SLC22A3: variants seen among roughly 807,000 people sequenced by gnomAD.
SLC22A3 encodes solute carrier family 22 member 3, also known as EMT organic cation transporter 3.
Under a neutral mutation model 59.1 loss-of-function variants are expected in SLC22A3, and 51 were observed. That is an observed-to-expected ratio of 0.86 (90% CI 0.69 to 1.09). The LOEUF (loss-of-function observed/expected upper bound fraction) is 1.09. Ranked by LOEUF, SLC22A3 falls within the 50% of genes least tolerant of loss-of-function variation. The probability of loss-of-function intolerance (pLI) is 0.00; values close to 1 mark genes in which losing one functional copy is unlikely to be tolerated. For synonymous variants in SLC22A3, 325 were observed against 292.0 expected (o/e 1.11, Z -1.15); for missense variants, 711 against 726.3 (o/e 0.98, Z 0.24).
chr6:160,367,886 G>A (rs1785263062), intron 1 of SLC22A3, among the ~76,000 whole-genome samples: 1 of 152,122 alleles, frequency 6.6e-6, no homozygotes, highest in African/African-American at 2.4e-5. Flanking sequence ...TCTCTGTTGA[G>A]TCTACCTCCT....
At position 160,348,644 on chromosome 6, in the gene SLC22A3, G is replaced by A; in HGVS notation, c.225G>A (p.Ala75=). 6.7e-7 allele frequency: 1 copy of A among 1,502,766 alleles called. No homozygotes were observed. Among genetic ancestry groups the A allele is most frequent in the Non-Finnish European group, 8.8e-7 (1 of 1,133,734 alleles). The allele number at this position is 1,502,766 out of a possible 1,614,324, so 93.1% of individuals were successfully genotyped here. ...CGGAGGAGGAGTGGAACCGCACGGC[G>A]CCCGCCTCCCGCGGCCCAGAGCCCC... is the stretch of plus-strand genomic sequence containing the variant. ...WSPEEEWNRT[A]PASRGPEPPE... The change falls in exon 1 of 11, where the codon GCG becomes GCA. Residue 75 remains alanine (A), a synonymous_variant. Coordinates refer to ENST00000275300, the MANE Select transcript of SLC22A3 (RefSeq NM_021977.4).
rs552908877 is a variant in SLC22A3 at position 160,354,096 on chromosome 6, T to C, written c.429+5248T>C. ...TCTTGGTAAACCTTAGAAAGGAGCT[T>C]TGGGCAAAGGTAGGGGACTCCAACA... On this transcript the variant is annotated intron_variant, in intron 1 of 10. Transcript: ENST00000275300. 2.0e-5 allele frequency among the ~76,000 whole-genome samples: 3 copies of C among 152,126 alleles called. No homozygotes were observed. The South Asian group carries it at 6.2e-4, about 32-fold the overall frequency.
chr6:160,377,310 C>A (rs1785631974), intron 1 of SLC22A3, among the ~76,000 whole-genome samples: 4 of 151,894 alleles, frequency 2.6e-5, no homozygotes, highest in Admixed American at 2.6e-4. Flanking sequence ...TATAGTGAAA[C>A]CCCATCTCTA....
chr6:160,443,290 G>C (rs1788618015), intron 8 of SLC22A3, among the ~76,000 whole-genome samples: 1 of 152,212 alleles, frequency 6.6e-6, no homozygotes, highest in African/African-American at 2.4e-5. Flanking sequence ...GCACGGATTA[G>C]TGCAAATCAA....
Position 160,393,868 on chromosome 6 carries a change from GAAGAAAAGCT to G in SLC22A3, c.430-4103_430-4094del, listed in dbSNP as rs1160956900. 3.4e-4 allele frequency among the ~76,000 whole-genome samples: 52 copies of G among 152,182 alleles called. 1 individual carries two copies. Among genetic ancestry groups the G allele is most frequent in the Non-Finnish European group, 1.5e-5 (1 of 68,022 alleles). On this transcript the variant is annotated intron_variant, in intron 1 of 10. Transcript: ENST00000275300. ...TAATGTCTGTTTGGATTTTAACAAA[GAAGAAAAGCT>G]AAGAAAAACCTTCACTTGGAAACCC...
intron 10 of SLC22A3, among the ~76,000 whole-genome samples, chr6:160,449,673 T>C (rs770081023): frequency 6.6e-6 from 1 of 152,244 alleles, no homozygotes. Flanking sequence ...TTAAATGCTA[T>C]AATGCTAACA....
chr6:160,431,029 A>G (rs1264944450), intron 5 of SLC22A3, among the ~76,000 whole-genome samples: 1 of 152,246 alleles, frequency 6.6e-6, no homozygotes, highest in Non-Finnish European at 1.5e-5. Flanking sequence ...ATAAGACTAT[A>G]TATTTGTCAA....
At chr6:160,391,019 T>A (rs1786234447) in intron 1 of SLC22A3, among the ~76,000 whole-genome samples, 1 of 152,170 alleles carries the variant, frequency 6.6e-6, no homozygotes, top group African/African-American at 2.4e-5. Context: ...TATGGCCTTT[T>A]TTCTGGTATG....
intron 5 of SLC22A3, among the ~76,000 whole-genome samples, chr6:160,420,567 G>T (rs1019389802): frequency 6.6e-6 from 1 of 152,220 alleles, no homozygotes; most frequent in Non-Finnish European, 1.5e-5. Flanking sequence ...AAGAGTGAGT[G>T]TATTTACAGA....
chr6:160,434,934 T>G (rs1788282783), intron 5 of SLC22A3, among the ~76,000 whole-genome samples: 1 of 152,248 alleles, frequency 6.6e-6, no homozygotes, highest in African/African-American at 2.4e-5. Flanking sequence ...GTGAGGCAGC[T>G]CTACTCCATG....
chr6:160,398,027 A>G lies in SLC22A3; in HGVS notation c.478A>G (p.Ile160Val), dbSNP rs778593251. ...GTGGATGCTGGACCTCACCCAAGCC[A>G]TCCTGAACCTCGGCTTCCTGACTGG... is the stretch of plus-strand genomic sequence containing the variant. Reference protein sequence around the residue: ...NAWMLDLTQAILNLGFLTGAF... With the variant: ...NAWMLDLTQAVLNLGFLTGAF... Residue 160 changes from isoleucine (I) to valine (V), a missense_variant, in exon 2 of 11, where the codon ATC becomes GTC. Transcript: ENST00000275300. 1.1e-5 allele frequency: 17 copies of G among 1,613,766 alleles called. No individual in the cohort carries two copies. The highest frequency in any genetic ancestry group is 1.3e-5 in the Non-Finnish European group (15 of 1,179,828).
At position 160,400,984 on chromosome 6, in the gene SLC22A3, G is replaced by GAAAAAAAAAAAAAAAAAAAA. The variant is rs58532600; in HGVS notation, c.533+2905_533+2924dup. On this transcript the variant is annotated intron_variant, in intron 2 of 10. Coordinates refer to ENST00000275300, the MANE Select transcript of SLC22A3 (RefSeq NM_021977.4). The stretch of plus-strand genomic sequence containing the variant: ...TATCCCAGTAGAAACCTCCAAAACT[G>GAAAAAAAAAAAAAAAAAAAA]AAAAAAAAAAAAAAAAAAAAAACCC... Among the ~76,000 whole-genome samples, 5 of 78,522 alleles carry GAAAAAAAAAAAAAAAAAAAA rather than the reference G, an allele frequency of 6.4e-5. 1 individual carries two copies. The highest frequency in any genetic ancestry group is 2.7e-4 in the African/African-American group (5 of 18,416). 51.5% of individuals were successfully genotyped at this position (78,522 alleles called of 152,430 possible). A position where few individuals can be genotyped will look rare whatever the true frequency, so the allele number is the denominator to read the frequency against.
intron 1 of SLC22A3, among the ~76,000 whole-genome samples, chr6:160,394,915 AC>A (rs1035708016): frequency 3.3e-5 from 5 of 152,164 alleles, no homozygotes; most frequent in African/African-American, 1.2e-4. Flanking sequence ...AGCTGCTGCC[AC>A]AGCCAGAAGC....
chr6:160,409,548 G>T (rs180917104), intron 4 of SLC22A3, among the ~76,000 whole-genome samples: 6,128 of 149,850 alleles, frequency 0.041, 389 homozygotes, highest in African/African-American at 0.13. Context: ...GTAATGGGAT[G>T]GCTGGGTCAA....
At chr6:160,422,739 A>G (rs1242211686) in intron 5 of SLC22A3, among the ~76,000 whole-genome samples, 1 of 151,804 alleles carries the variant, frequency 6.6e-6, no homozygotes, top group Non-Finnish European at 1.5e-5. Context: ...TTGCGGGAGA[A>G]GGATTTAGAT....
chr6:160,443,535 A>G lies in SLC22A3; in HGVS notation c.1398-95A>G. The G allele has an allele frequency of 6.0e-6, 5 of 831,690 alleles. No homozygotes were observed. The South Asian group carries it at 7.2e-5, about 12-fold the overall frequency. The allele number at this position is 831,690 out of a possible 1,614,324, so 51.5% of individuals were successfully genotyped here. The stretch of plus-strand genomic sequence containing the variant: ...GTTAGAAAATGCAAAGTATCTTCAC[A>G]CTTCCTTTGGTTTTTTAATATGTCT... On this transcript the variant is annotated intron_variant, in intron 8 of 10. Transcript: ENST00000275300.
At chr6:160,390,979 G>GC (rs1056428191) in intron 1 of SLC22A3, among the ~76,000 whole-genome samples, 2 of 152,142 alleles carry the variant, frequency 1.3e-5, no homozygotes, top group Admixed American at 6.5e-5. Context: ...GCTGGTAGAT[G>GC]CATCACCCCA....
At chr6:160,386,161 G>A (rs1273750465) in intron 1 of SLC22A3, among the ~76,000 whole-genome samples, 1 of 152,350 alleles carries the variant, frequency 6.6e-6, no homozygotes, top group East Asian at 1.9e-4. Context: ...ACATGAAGGA[G>A]CCTCTTGGGG....
intron 1 of SLC22A3, among the ~76,000 whole-genome samples, chr6:160,349,595 TC>T: frequency 6.6e-6 from 1 of 152,058 alleles, no homozygotes; most frequent in Non-Finnish European, 1.5e-5. Flanking sequence ...GCGGGGGCGA[TC>T]CCCACATTTT....
Sources: gnomAD v4.1 joint callset for allele counts (sites outside exome capture counted in the v4.1 genomes callset) on GRCh38, gnomAD v4.1.1 for gene constraint, MANE v1.5 for transcripts, NCBI Gene and HGNC (gene_info 2026-07-23, HGNC 2026-07-21) for gene names.